Variants in BCAS3 observed in about 807,000 individuals in gnomAD.
BCAS3 encodes the protein BCAS3 microtubule associated cell migration factor, also known as BCAS4/BCAS3 fusion.
Under a neutral mutation model 116.1 loss-of-function variants are expected in BCAS3, and 53 were observed. That is an observed-to-expected ratio of 0.46 (90% confidence interval 0.37 to 0.57). The LOEUF (loss-of-function observed/expected upper bound fraction) is 0.57, where lower values mean the gene tolerates loss of function less well. Among genes scored for constraint, BCAS3 ranks in the 20% least tolerant of loss-of-function variants. The pLI is 0.00. For synonymous variants in BCAS3, 391 were observed against 408.2 expected, an observed-to-expected ratio of 0.96 and a Z score of 0.51; for missense variants, 917 against 1,165.4, an observed-to-expected ratio of 0.79 and a Z score of 3.10.
At chr17:61,305,632 A>C (rs985186854) in intron 22 of BCAS3, among the ~76,000 whole-genome samples, 2 of 152,244 alleles carry the variant, frequency 1.3e-5, no homozygotes, top group East Asian at 1.9e-4. Flanking sequence ...GCAGTGGCTC[A>C]TGCCTGTAAT....
At chr17:61,386,789 G>GTT (rs1236991526) in intron 23 of BCAS3, among the ~76,000 whole-genome samples, 4 of 120,964 alleles carry the variant, frequency 3.3e-5, no homozygotes, top group Admixed American at 3.2e-4. Flanking sequence ...TTTTGTTTTT[G>GTT]TTTTTTGTTT....
At position 61,363,598 on chromosome 17, in the gene BCAS3, C is replaced by T. The variant is rs1434535055; in HGVS notation, c.2426-4729C>T. 2.7e-5 allele frequency among the ~76,000 whole-genome samples: 4 copies of T among 149,970 alleles called. No homozygotes were observed. The highest frequency in any genetic ancestry group is 9.9e-5 in the African/African-American group (4 of 40,576). ...CTCACTCTGAACCTTGTACAGTGCTCGACTCATATCATAGTGGACACTAAC... is the reference window on the plus strand; with the variant it reads ...CTCACTCTGAACCTTGTACAGTGCTTGACTCATATCATAGTGGACACTAAC... On this transcript the variant is annotated intron_variant, in intron 22 of 23. Coordinates refer to ENST00000407086, the MANE Select transcript of BCAS3 (RefSeq NM_017679.5). This position sits in a 1 kb window ranked among gnomAD's most constrained non-coding sequence, Gnocchi z 4.9.
intron 6 of BCAS3, among the ~76,000 whole-genome samples, chr17:60,805,421 G>A (rs539655123): frequency 7.9e-5 from 12 of 151,976 alleles, no homozygotes; most frequent in Non-Finnish European, 1.3e-4. Context: ...AGGGTCTCTG[G>A]GTGGGCCAAA....
At chr17:61,238,473 A>T (rs1044328291) in intron 22 of BCAS3, among the ~76,000 whole-genome samples, 1 of 151,994 alleles carries the variant, frequency 6.6e-6, no homozygotes, top group African/African-American at 2.4e-5. Context: ...CACCCGCCTC[A>T]GCCTCCCAAA....
chr17:60,776,718 CAA>C (rs749033165), intron 6 of BCAS3, among the ~76,000 whole-genome samples: 9 of 46,530 alleles, frequency 1.9e-4, no homozygotes, highest in African/African-American at 3.0e-4. Flanking sequence ...GACTCCGTCT[CAA>C]AAAAAAAAAA....
At chr17:61,025,679 A>C (rs904576094) in intron 16 of BCAS3, among the ~76,000 whole-genome samples, 2 of 152,050 alleles carry the variant, frequency 1.3e-5, no homozygotes, top group African/African-American at 4.8e-5. Flanking sequence ...AGAGAGAGCT[A>C]TCCTTGCTTG....
At chr17:60,957,284 A>G (rs1300413482) in intron 14 of BCAS3, among the ~76,000 whole-genome samples, 2 of 152,216 alleles carry the variant, frequency 1.3e-5, no homozygotes, top group African/African-American at 4.8e-5. Context: ...TCAATTGTCA[A>G]GGGGAAAATC....
intron 22 of BCAS3, among the ~76,000 whole-genome samples, chr17:61,148,099 G>A (rs1456955651): frequency 1.3e-5 from 2 of 152,168 alleles, no homozygotes; most frequent in Non-Finnish European, 1.5e-5. Context: ...AAGTGCTATA[G>A]GAATTTTAGA....
intron 5 of BCAS3, among the ~76,000 whole-genome samples, chr17:60,744,029 AAAC>A (rs2041824631): frequency 6.6e-6 from 1 of 152,188 alleles, no homozygotes; most frequent in Non-Finnish European, 1.5e-5. Context: ...TTTATGCCCC[AAAC>A]AACAAAAGTC....
chr17:61,336,500 C>G (rs891511987), intron 22 of BCAS3, among the ~76,000 whole-genome samples: 1 of 152,184 alleles, frequency 6.6e-6, no homozygotes, highest in South Asian at 2.1e-4. Context: ...AGAAACCTTA[C>G]CCACCTATGC....
Position 61,189,123 on chromosome 17 carries a change from A to G in BCAS3, c.2425+104559A>G, listed in dbSNP as rs992865792. On this transcript the variant is annotated intron_variant, in intron 22 of 23. Coordinates refer to ENST00000407086, the MANE Select transcript of BCAS3 (RefSeq NM_017679.5). The surrounding 1 kb of genome is among the most constrained non-coding windows in gnomAD (Gnocchi z 4.5). The stretch of plus-strand genomic sequence containing the variant: ...GCCTGAAAACAAAACAAAACAAAAA[A>G]AGAGAGAGAGAGAGAGAACAGCACA... 5.3e-5 allele frequency among the ~76,000 whole-genome samples: 8 copies of G among 151,638 alleles called. No individual in the cohort carries two copies. The highest frequency in any genetic ancestry group is 1.7e-4 in the African/African-American group (7 of 41,294).
chr17:61,322,611 T>C (rs1800330157), intron 22 of BCAS3, among the ~76,000 whole-genome samples: 1 of 152,226 alleles, frequency 6.6e-6, no homozygotes. Flanking sequence ...CTTCTCTTCA[T>C]TTCAAACAAG....
intron 6 of BCAS3, among the ~76,000 whole-genome samples, chr17:60,775,326 T>G (rs1246767832): frequency 6.6e-6 from 1 of 152,142 alleles, no homozygotes; most frequent in Non-Finnish European, 1.5e-5. Flanking sequence ...AAACTTTCCT[T>G]CTCCTCTTAA....
At chr17:60,879,486 ACC>A (rs1398841813) in intron 9 of BCAS3, among the ~76,000 whole-genome samples, 1 of 152,188 alleles carries the variant, frequency 6.6e-6, no homozygotes, top group Non-Finnish European at 1.5e-5. Context: ...GAAAGGAGAC[ACC>A]TTTGTATTTG....
chr17:60,898,446 C>G (rs546250017), intron 10 of BCAS3, among the ~76,000 whole-genome samples: 1 of 151,910 alleles, frequency 6.6e-6, no homozygotes, highest in Admixed American at 6.6e-5. Flanking sequence ...GTAATGTAGT[C>G]TGATTTTTTT....
At chr17:61,245,804 T>C (rs1005159299) in intron 22 of BCAS3, among the ~76,000 whole-genome samples, 1 of 149,272 alleles carries the variant, frequency 6.7e-6, no homozygotes, top group African/African-American at 2.4e-5. Context: ...TTCTGTCTCA[T>C]TGAAAGAAAA....
intron 22 of BCAS3, among the ~76,000 whole-genome samples, chr17:61,290,484 G>A (rs1190806081): frequency 6.6e-6 from 1 of 152,156 alleles, no homozygotes; most frequent in African/African-American, 2.4e-5. Context: ...TAAATAAAAT[G>A]CTTAGCACTT....
intron 6 of BCAS3, among the ~76,000 whole-genome samples, chr17:60,790,429 G>A (rs956977313): frequency 6.6e-6 from 1 of 152,142 alleles, no homozygotes; most frequent in Non-Finnish European, 1.5e-5. Flanking sequence ...ATGTAGGAGT[G>A]AAGAATTGGC....
chr17:61,312,611 T>A (rs1202784032), intron 22 of BCAS3, among the ~76,000 whole-genome samples: 1 of 152,180 alleles, frequency 6.6e-6, no homozygotes, highest in Non-Finnish European at 1.5e-5. Flanking sequence ...ACCATTTTGA[T>A]CTGAGTTGCT....
Sources: allele counts gnomAD v4.1 joint callset (sites outside exome capture counted in the v4.1 genomes callset), GRCh38; gene constraint gnomAD v4.1.1; non-coding constraint Gnocchi (gnomAD v3.1); transcripts MANE v1.5; gene names NCBI Gene and HGNC (gene_info 2026-07-23, HGNC 2026-07-21).